The following LHFPL4 variants were observed in gnomAD, a reference collection of about 807,000 sequenced individuals.
LHFPL4 encodes LHFPL tetraspan subfamily member 4 protein.
Under a neutral mutation model 20.0 loss-of-function variants are expected in LHFPL4, and 6 were observed. The observed-to-expected ratio is 0.30, with a 90% CI of 0.16 to 0.59. The LOEUF (loss-of-function observed/expected upper bound fraction) is 0.59. Ranked by LOEUF, LHFPL4 falls within the 20% of genes least tolerant of loss-of-function variation. The pLI is 0.88. For missense variants in LHFPL4, 215 were observed against 331.2 expected (o/e 0.65, Z 2.72); for synonymous variants, 129 against 143.8 (o/e 0.90, Z 0.74).
At chr3:9,521,138 C>G (rs1291964762) in intron 2 of LHFPL4, among the ~76,000 whole-genome samples, 1 of 151,990 alleles carries the variant, frequency 6.6e-6, no homozygotes, top group Non-Finnish European at 1.5e-5. Context: ...TTGGTAATGA[C>G]TCTCTTTATC....
intron 2 of LHFPL4, among the ~76,000 whole-genome samples, chr3:9,535,188 A>G (rs903081680): frequency 6.6e-6 from 1 of 152,238 alleles, no homozygotes; most frequent in Non-Finnish European, 1.5e-5. Context: ...CACACAACAT[A>G]ATTTCTTTTT....
Position 9,547,666 on chromosome 3 carries a change from A to G in LHFPL4, c.406+4608T>C, listed in dbSNP as rs2125668166. 1.3e-5 allele frequency among the ~76,000 whole-genome samples: 2 copies of G among 152,324 alleles called. 1 individual carries two copies. The stretch of plus-strand genomic sequence containing the variant: ...TTAGTAAATGGGAACAACCGGGTAA[A>G]AAACGTAGCAGAGATATCCTGCCTC... On this transcript the variant is annotated intron_variant, in intron 2 of 3. Transcript: ENST00000287585.
chr3:9,529,036 T>C (rs1416711268), intron 2 of LHFPL4, among the ~76,000 whole-genome samples: 2 of 63,086 alleles, frequency 3.2e-5, no homozygotes, highest in Non-Finnish European at 7.9e-5. Context: ...ACCAATGTTC[T>C]TTTTTTTTTT....
chr3:9,519,715 T>C (rs774105774), intron 2 of LHFPL4, among the ~76,000 whole-genome samples: 8 of 152,066 alleles, frequency 5.3e-5, no homozygotes, highest in Non-Finnish European at 7.4e-5. Context: ...TGTGCCACCA[T>C]GCCTGGCTAA....
chr3:9,548,803 T>G (rs2046534366), intron 2 of LHFPL4, among the ~76,000 whole-genome samples: 1 of 152,182 alleles, frequency 6.6e-6, no homozygotes, highest in Non-Finnish European at 1.5e-5. Flanking sequence ...CCATGATTAA[T>G]TAAGAGGTGG....
At chr3:9,515,398 G>A (rs1360620040) in intron 2 of LHFPL4, among the ~76,000 whole-genome samples, 6 of 152,110 alleles carry the variant, frequency 3.9e-5, no homozygotes, top group Non-Finnish European at 8.8e-5. Flanking sequence ...TTTTGAGACG[G>A]AGTCTCGCTC....
At chr3:9,505,373 G>A (rs1188693142) in intron 3 of LHFPL4, among the ~76,000 whole-genome samples, 1 of 151,578 alleles carries the variant, frequency 6.6e-6, no homozygotes, top group East Asian at 1.9e-4. Context: ...AGGCTCAGGT[G>A]ATCCTCCCAC....
intron 2 of LHFPL4, among the ~76,000 whole-genome samples, chr3:9,535,347 A>G (rs1170423786): frequency 1.3e-5 from 2 of 152,176 alleles, no homozygotes; most frequent in Admixed American, 1.3e-4. Context: ...ACAGATGAGG[A>G]CACTGAGGTG....
intron 2 of LHFPL4, among the ~76,000 whole-genome samples, chr3:9,516,717 AC>A (rs1231066820): frequency 2.1e-5 from 3 of 145,704 alleles, no homozygotes; most frequent in Non-Finnish European, 4.5e-5. Context: ...CAGGTGATCC[AC>A]CCACCTCGGC....
At chr3:9,523,276 G>A (rs1487390404) in intron 2 of LHFPL4, among the ~76,000 whole-genome samples, 1 of 150,888 alleles carries the variant, frequency 6.6e-6, no homozygotes, top group Non-Finnish European at 1.5e-5. Context: ...AGCTACTCGG[G>A]AGGCTGAGGC....
intron 2 of LHFPL4, among the ~76,000 whole-genome samples, chr3:9,510,933 A>T (rs1393510874): frequency 6.9e-6 from 1 of 143,958 alleles, no homozygotes; most frequent in African/African-American, 2.6e-5. Flanking sequence ...GCAAGACTCC[A>T]TCTCAAAAAT....
chr3:9,504,963 T>C (rs2046207070), intron 3 of LHFPL4, among the ~76,000 whole-genome samples: 1 of 152,050 alleles, frequency 6.6e-6, no homozygotes, highest in Non-Finnish European at 1.5e-5. Flanking sequence ...CTCTCAACAT[T>C]ATATTACTGA....
intron 2 of LHFPL4, among the ~76,000 whole-genome samples, chr3:9,518,532 G>A (rs1398453829): frequency 6.6e-6 from 1 of 152,074 alleles, no homozygotes; most frequent in Non-Finnish European, 1.5e-5. Flanking sequence ...GAACCCATCA[G>A]GGCCTGGTGC....
intron 2 of LHFPL4, among the ~76,000 whole-genome samples, chr3:9,545,982 T>C (rs1269605216): frequency 6.6e-6 from 1 of 151,976 alleles, no homozygotes; most frequent in Non-Finnish European, 1.5e-5. Flanking sequence ...TGGGAGTTCC[T>C]GGTTGAGGTT....
chr3:9,503,940 C>G (rs768805354), intron 3 of LHFPL4, among the ~76,000 whole-genome samples: 8 of 152,200 alleles, frequency 5.3e-5, no homozygotes, highest in Non-Finnish European at 1.0e-4. Context: ...GCAGGAGAAT[C>G]GCTTAAGCCC....
chr3:9,519,083 G>A (rs1044658703), intron 2 of LHFPL4, among the ~76,000 whole-genome samples: 13 of 151,960 alleles, frequency 8.6e-5, no homozygotes, highest in South Asian at 2.1e-4. Flanking sequence ...GATTACAGGC[G>A]CATGCCACCA....
chr3:9,552,461 G>T lies in LHFPL4; in HGVS notation c.219C>A (p.Arg73=). Reference sequence around the variant, plus strand: ...TGAAGGAGCCCCGGCAGGTGAGCTCGCGGCCCGCCAGCCCGCTGCCCACGC... The same window carrying T: ...TGAAGGAGCCCCGGCAGGTGAGCTCTCGGCCCGCCAGCCCGCTGCCCACGC... The part of the protein sequence containing the change: ...HYCVGSGLAG[R]ELTCRGSFTD... The change falls in exon 2 of 4, where the codon CGC becomes CGA. Residue 73 remains arginine (R), a synonymous_variant. Transcript: ENST00000287585. 1 of 1,613,128 alleles carries T rather than the reference G, an allele frequency of 6.2e-7. No homozygotes were observed. Among genetic ancestry groups the T allele is most frequent in the Non-Finnish European group, 8.5e-7 (1 of 1,179,698 alleles).
intron 2 of LHFPL4, among the ~76,000 whole-genome samples, chr3:9,539,508 A>G (rs2046464745): frequency 6.6e-6 from 1 of 151,550 alleles, no homozygotes; most frequent in Non-Finnish European, 1.5e-5. Flanking sequence ...GATACCTCCA[A>G]TCCATCCTCT....
Position 9,539,133 on chromosome 3 carries a change from T to C in LHFPL4, c.406+13141A>G, listed in dbSNP as rs561546931. On this transcript the variant is annotated intron_variant, in intron 2 of 3. Transcript: ENST00000287585. ...AAGCACCTATATGCCAGGTACAGAT[T>C]CCTGATCCAGGGCACTCATAATGCA... Among the ~76,000 whole-genome samples the C allele has an allele frequency of 3.3e-5, 5 of 152,206 alleles. No individual in the cohort carries two copies. In the East Asian group the frequency reaches 9.7e-4, roughly 29 times the overall value.
Sources: allele counts gnomAD v4.1 joint callset (sites outside exome capture counted in the v4.1 genomes callset), GRCh38; gene constraint gnomAD v4.1.1; transcripts MANE v1.5; gene names NCBI Gene and HGNC (gene_info 2026-07-23, HGNC 2026-07-21).